Variants in TBCD observed in about 807,000 individuals in gnomAD.
TBCD encodes the protein tubulin-specific chaperone D.
Under a neutral mutation model 169.3 loss-of-function variants are expected in TBCD, and 105 were observed. That is an observed-to-expected ratio of 0.62 (90% CI 0.53 to 0.73). The LOEUF is 0.73. Ranked by LOEUF, TBCD falls within the 30% of genes least tolerant of loss-of-function variation. The pLI, the probability that TBCD is intolerant of heterozygous loss-of-function variation, is 0.00. For missense variants in TBCD, 1,444 were observed against 1,600.1 expected, an observed-to-expected ratio of 0.90 and a Z score of 1.66; for synonymous variants, 700 against 643.9, an observed-to-expected ratio of 1.09 and a Z score of -1.32.
At chr17:82,817,050 G>A (rs1003491740) in intron 13 of TBCD, among the ~76,000 whole-genome samples, 1 of 152,150 alleles carries the variant, frequency 6.6e-6, no homozygotes, top group Non-Finnish European at 1.5e-5. Flanking sequence ...GTAAGTAAGA[G>A]TTTTTTTATG....
chr17:82,803,387 C>G (rs3791172), intron 9 of TBCD, among the ~76,000 whole-genome samples: 1 of 152,054 alleles, frequency 6.6e-6, no homozygotes, highest in East Asian at 1.9e-4. Flanking sequence ...CTGCGGCACT[C>G]GGCCTCCCAG....
chr17:82,870,824 T>C (rs764737958), intron 14 of TBCD, among the ~76,000 whole-genome samples: 1 of 152,260 alleles, frequency 6.6e-6, no homozygotes, highest in Non-Finnish European at 1.5e-5. Context: ...TGTCTCTATC[T>C]CCTTTCAAGT....
At chr17:82,871,090 C>T (rs997719753) in intron 14 of TBCD, among the ~76,000 whole-genome samples, 3 of 152,210 alleles carry the variant, frequency 2.0e-5, no homozygotes, top group African/African-American at 4.8e-5. Context: ...CATGGGATCA[C>T]CAGAACCCCA....
At chr17:82,867,090 G>A (rs1017211358) in intron 13 of TBCD, among the ~76,000 whole-genome samples, 1 of 152,190 alleles carries the variant, frequency 6.6e-6, no homozygotes, top group Non-Finnish European at 1.5e-5. Flanking sequence ...CATCTTACAC[G>A]GACTTGGGGA....
intron 16 of TBCD, 33 bp from the exon 17 acceptor site, chr17:82,893,511 ATTC>A (rs2059286670): frequency 6.7e-7 from 1 of 1,494,186 alleles, no homozygotes; most frequent in Non-Finnish European, 9.2e-7. Context: ...GTTCATTCAA[ATTC>A]TTCTTTTTCC....
At chr17:82,879,998 ACT>A (rs774278170) in intron 14 of TBCD, among the ~76,000 whole-genome samples, 7 of 150,680 alleles carry the variant, frequency 4.6e-5, no homozygotes, top group South Asian at 2.1e-4. Context: ...TCAAGGGAAG[ACT>A]CTGCTTCCCT....
At chr17:82,937,136 G>A (rs1029963104) in intron 34 of TBCD, 135 bp from the exon 35 acceptor site, 2 of 710,596 alleles carry the variant, frequency 2.8e-6, no homozygotes, top group African/African-American at 3.6e-5. Flanking sequence ...CTTGCTGGCA[G>A]AGGGGCCTCA....
intron 11 of TBCD, among the ~76,000 whole-genome samples, chr17:82,808,671 G>A (rs2051193115): frequency 7.6e-6 from 1 of 131,924 alleles, no homozygotes; most frequent in Non-Finnish European, 1.6e-5. Flanking sequence ...TGGAGGGGCT[G>A]GCAGGTGCTG....
chr17:82,783,353 G>T (rs2049081697), intron 7 of TBCD, among the ~76,000 whole-genome samples: 1 of 152,240 alleles, frequency 6.6e-6, no homozygotes, highest in Admixed American at 6.5e-5. Context: ...GACAGATTCA[G>T]CAGTTTTCAA....
chr17:82,780,057 G>C (rs768155032), intron 6 of TBCD, among the ~76,000 whole-genome samples: 1 of 152,180 alleles, frequency 6.6e-6, no homozygotes, highest in Non-Finnish European at 1.5e-5. Context: ...GCCTAAAGAG[G>C]AGGTGGGCAG....
chr17:82,939,254 G>A lies in TBCD; in HGVS notation c.3370-113G>A, dbSNP rs145385469. ...GGCTGGGATGGGATGCAGGGTCAGC[G>A]TCCTCCTCCTGACGCCTTCCACTGA... On this transcript the variant is annotated intron_variant, in intron 36 of 38. Transcript: ENST00000355528. 9,923 of 820,354 alleles carry A rather than the reference G, an allele frequency of 0.012. 637 individuals carry two copies. The Admixed American group carries it at 0.14, about 12-fold the overall frequency. 50.8% of individuals were successfully genotyped at this position (820,354 alleles called of 1,614,324 possible). A position where few individuals can be genotyped will look rare whatever the true frequency, so the allele number is the denominator to read the frequency against.
rs35845235 is a variant in TBCD, at chr17:82,930,596, C to T, written c.3066C>T (p.Phe1022=). 3.4e-3 allele frequency: 5,448 copies of T among 1,613,954 alleles called. 167 individuals are homozygous for T. In the African/African-American group the frequency reaches 0.062, roughly 18 times the overall value. Residue 1022 remains phenylalanine (F), a synonymous_variant, in exon 33 of 39, where the codon TTC becomes TTT. Coordinates refer to ENST00000355528, the MANE Select transcript of TBCD (RefSeq NM_005993.5). This position sits in a 1 kb window ranked among gnomAD's most constrained non-coding sequence, Gnocchi z 5.2. Reference sequence around the variant, plus strand: ...GCGACCCGCAGGCCCTGGGCAGCTTCAGCGGGACCCTTCTGCAGATCTTTG... The same window carrying T: ...GCGACCCGCAGGCCCTGGGCAGCTTTAGCGGGACCCTTCTGCAGATCTTTG... The part of the protein sequence containing the change: ...IQSDPQALGS[F]SGTLLQIFED...
rs557294169 is a variant in TBCD at position 82,920,705 on chromosome 17, G to A, written c.2101+87G>A. 1.0e-5 allele frequency: 12 copies of A among 1,157,978 alleles called. No individual in the cohort carries two copies. In the East Asian group the frequency reaches 2.8e-4, roughly 27 times the overall value. The allele number at this position is 1,157,978 out of a possible 1,614,324, so 71.7% of individuals were successfully genotyped here. Reference sequence around the variant, plus strand: ...AAAATGAACCTGTTAGGATGGGGGCGATAAACGATTATAGCTTAAAGGTTC... The same window carrying A: ...AAAATGAACCTGTTAGGATGGGGGCAATAAACGATTATAGCTTAAAGGTTC... On this transcript the variant is annotated intron_variant, in intron 24 of 38. Coordinates refer to ENST00000355528, the MANE Select transcript of TBCD (RefSeq NM_005993.5). The surrounding 1 kb of genome is among the most constrained non-coding windows in gnomAD (Gnocchi z 4.1).
At chr17:82,844,206 CGTGTGT>C (rs769300875) in intron 13 of TBCD, among the ~76,000 whole-genome samples, 1,316 of 127,482 alleles carry the variant, frequency 0.01, 19 homozygotes, top group Middle Eastern at 0.049. Flanking sequence ...GGATGTTCTC[CGTGTGT>C]GTGTGTGTGT....
At chr17:82,893,714 T>C in intron 17 of TBCD, 82 bp downstream of exon 17, 1 of 1,071,786 alleles carries the variant, frequency 9.3e-7, no homozygotes, top group Non-Finnish European at 1.4e-6. Context: ...CCATTTTCTT[T>C]TTTCATCCTG....
At chr17:82,754,647 A>C (rs2047308642) in intron 1 of TBCD, among the ~76,000 whole-genome samples, 1 of 152,222 alleles carries the variant, frequency 6.6e-6, no homozygotes. Flanking sequence ...TGTCTCCCAG[A>C]GGTAGCTTGG....
chr17:82,871,276 G>T (rs76046987), intron 14 of TBCD, among the ~76,000 whole-genome samples: 3,763 of 152,286 alleles, frequency 0.025, 178 homozygotes, highest in African/African-American at 0.086. Context: ...CAATTCAACC[G>T]TGTGCGCTGG....
At chr17:82,927,682 C>T (rs144557750) in intron 29 of TBCD, among the ~76,000 whole-genome samples, 58 of 152,216 alleles carry the variant, frequency 3.8e-4, no homozygotes, top group African/African-American at 1.4e-3. Flanking sequence ...GTGTAGGATG[C>T]CTCGGGGCCC....
chr17:82,872,579 G>A (rs1206202161), intron 14 of TBCD, among the ~76,000 whole-genome samples: 1 of 152,266 alleles, frequency 6.6e-6, no homozygotes, highest in Non-Finnish European at 1.5e-5. Context: ...GGCTCTTCCT[G>A]TTACTTCCTT....
Sources: gnomAD v4.1 joint callset for allele counts (sites outside exome capture counted in the v4.1 genomes callset) on GRCh38, gnomAD v4.1.1 for gene constraint, Gnocchi (gnomAD v3.1) non-coding constraint, MANE v1.5 for transcripts, NCBI Gene and HGNC (gene_info 2026-07-23, HGNC 2026-07-21) for gene names.